ZNF704: variants seen among roughly 807,000 people sequenced by gnomAD.
ZNF704 encodes the protein zinc finger protein 704.
ZNF704 carries 10 observed loss-of-function variants against 44.7 expected under a neutral mutation model. The observed-to-expected ratio is 0.22, with a 90% confidence interval of 0.14 to 0.38. ZNF704 has a LOEUF of 0.38. ZNF704 is among the 10% of genes least tolerant of loss of function. ZNF704 has a pLI of 1.00. For synonymous variants in ZNF704, 211 were observed against 207.6 expected (o/e 1.02, Z -0.14); for missense variants, 390 against 545.5 (o/e 0.71, Z 2.84).
chr8:80,880,824 T>G, the ZNF704 span, among the ~76,000 whole-genome samples: 1 of 152,240 alleles, frequency 6.6e-6, no homozygotes, highest in African/African-American at 2.4e-5. Flanking sequence ...AAGTGAAAGA[T>G]AGAAAATATT....
intron 2 of ZNF704, among the ~76,000 whole-genome samples, chr8:80,796,817 TGAAAGAAAA>T (rs926538551): frequency 2.6e-4 from 36 of 138,336 alleles, no homozygotes; most frequent in East Asian, 1.0e-3. Context: ...ATGAACACTG[TGAAAGAAAA>T]GAAAGAAAAG....
rs1180322029 is a variant in ZNF704 at position 80,665,213 on chromosome 8, T to C, written c.660-131A>G. 7.3e-6 allele frequency: 7 copies of C among 962,448 alleles called. No individual in the cohort carries two copies. In the East Asian group the frequency reaches 1.6e-4, roughly 22 times the overall value. The allele number at this position is 962,448 out of a possible 1,614,324, so 59.6% of individuals were successfully genotyped here. ...TGTTTGCCTTGCAAACTCTTCCTTA[T>C]CCTGCAGCACTCAGTTCAACTGTCC... On this transcript the variant is annotated intron_variant, in intron 5 of 8. Transcript: ENST00000327835.
chr8:80,777,874 G>A (rs1240881177), intron 2 of ZNF704, among the ~76,000 whole-genome samples: 9 of 139,732 alleles, frequency 6.4e-5, no homozygotes, highest in East Asian at 4.0e-4. Flanking sequence ...GTGAGGCTGC[G>A]ACTCAACAAA....
intron 1 of ZNF704, among the ~76,000 whole-genome samples, chr8:80,843,161 C>T (rs957542057): frequency 5.9e-5 from 9 of 152,288 alleles, no homozygotes; most frequent in African/African-American, 2.2e-4. Flanking sequence ...ATTTATTATT[C>T]ATTTGTATTT....
intron 2 of ZNF704, among the ~76,000 whole-genome samples, chr8:80,788,738 GTTTC>G (rs1344017627): frequency 6.6e-6 from 1 of 152,106 alleles, no homozygotes; most frequent in Non-Finnish European, 1.5e-5. Context: ...TACTGCAGTG[GTTTC>G]TTTAAGATTT....
intron 2 of ZNF704, among the ~76,000 whole-genome samples, chr8:80,778,817 AAC>A: frequency 6.6e-6 from 1 of 152,270 alleles, no homozygotes; most frequent in East Asian, 1.9e-4. Context: ...AGAATTCATG[AAC>A]ACAAAGAAGG....
intron 1 of ZNF704, among the ~76,000 whole-genome samples, chr8:80,838,732 T>TGGAGGAGGAGGAGGA (rs140901931): frequency 3.0e-4 from 38 of 128,174 alleles, no homozygotes; most frequent in African/African-American, 1.1e-3. Flanking sequence ...GAGCAGACAC[T>TGGAGGAGGAGGAGGA]GGAGGAGGAG....
At chr8:80,696,949 A>G (rs575848626) in intron 2 of ZNF704, among the ~76,000 whole-genome samples, 2 of 152,170 alleles carry the variant, frequency 1.3e-5, no homozygotes, top group Non-Finnish European at 2.9e-5. Context: ...TTGGTGCTCA[A>G]AAAGTTTTGG....
At chr8:80,682,580 G>A (rs1818470551) in intron 4 of ZNF704, among the ~76,000 whole-genome samples, 1 of 152,224 alleles carries the variant, frequency 6.6e-6, no homozygotes, top group Admixed American at 6.5e-5. Flanking sequence ...ATTGAGCACA[G>A]GGTGGCTGAG....
rs59531738 is a variant in ZNF704 at position 80,830,077 on chromosome 8, AC to A, written c.-21-8463del. On this transcript the variant is annotated intron_variant, in intron 1 of 8. Coordinates refer to ENST00000327835, the MANE Select transcript of ZNF704 (RefSeq NM_001033723.3). ...ATATCAATTATTATATTTAAGACAC[AC>A]AAAAAAAACAAAAAATGAGAGCTCA... 2.5e-3 allele frequency among the ~76,000 whole-genome samples: 386 copies of A among 151,578 alleles called. 2 individuals carry two copies. The highest frequency in any genetic ancestry group is 8.8e-3 in the African/African-American group (361 of 41,072).
chr8:80,823,880 T>C (rs1045336273), intron 1 of ZNF704, among the ~76,000 whole-genome samples: 19 of 152,088 alleles, frequency 1.2e-4, no homozygotes, highest in Non-Finnish European at 2.5e-4. Context: ...GAAGGAAAAC[T>C]AACAAACAGA....
chr8:80,819,191 T>C (rs967687143), intron 2 of ZNF704, among the ~76,000 whole-genome samples: 13 of 152,164 alleles, frequency 8.5e-5, no homozygotes, highest in African/African-American at 3.1e-4. Flanking sequence ...TAAAACCTAA[T>C]TAACTTTCCC....
chr8:80,715,574 T>C (rs557811946), intron 2 of ZNF704, among the ~76,000 whole-genome samples: 1 of 152,348 alleles, frequency 6.6e-6, no homozygotes, highest in African/African-American at 2.4e-5. Context: ...AGAGGTTCCC[T>C]ATTCTACTGC....
At chr8:80,750,060 C>T (rs1234393662) in intron 2 of ZNF704, among the ~76,000 whole-genome samples, 1 of 152,112 alleles carries the variant, frequency 6.6e-6, no homozygotes, top group East Asian at 1.9e-4. Flanking sequence ...ATCCCTTAGG[C>T]TAATCAAGAA....
chr8:80,738,544 T>C (rs1013613621), intron 2 of ZNF704, among the ~76,000 whole-genome samples: 2 of 151,856 alleles, frequency 1.3e-5, no homozygotes, highest in African/African-American at 4.9e-5. Flanking sequence ...ACTTGGCATT[T>C]GACATGAGGT....
intron 2 of ZNF704, among the ~76,000 whole-genome samples, chr8:80,727,722 A>G (rs938066900): frequency 9.9e-5 from 15 of 152,226 alleles, no homozygotes; most frequent in African/African-American, 3.6e-4. Flanking sequence ...GCAAATTAGG[A>G]TGACATAATA....
chr8:80,795,620 C>T (rs1316104053), intron 2 of ZNF704, among the ~76,000 whole-genome samples: 2 of 150,724 alleles, frequency 1.3e-5, no homozygotes, highest in Non-Finnish European at 2.9e-5. Flanking sequence ...CGGGAGGCTG[C>T]GGCAGGAGAG....
chr8:80,737,250 A>T (rs1806683125), intron 2 of ZNF704, among the ~76,000 whole-genome samples: 1 of 152,218 alleles, frequency 6.6e-6, no homozygotes, highest in South Asian at 2.1e-4. Context: ...CACTTGGCTG[A>T]GTGCTCTGGT....
At chr8:80,770,252 T>C (rs112391385) in intron 2 of ZNF704, among the ~76,000 whole-genome samples, 1 of 152,174 alleles carries the variant, frequency 6.6e-6, no homozygotes, top group African/African-American at 2.4e-5. Context: ...GTGACATTAA[T>C]ATAGTCAAGA....
Sources: allele counts gnomAD v4.1 joint callset (sites outside exome capture counted in the v4.1 genomes callset), GRCh38; gene constraint gnomAD v4.1.1; transcripts MANE v1.5; gene names NCBI Gene and HGNC (gene_info 2026-07-23, HGNC 2026-07-21).